FRMPD4: variants seen among roughly 807,000 people sequenced by gnomAD.
The protein encoded by FRMPD4 is FERM and PDZ domain-containing protein 4.
FRMPD4 carries 22 observed loss-of-function variants against 94.1 expected under a neutral mutation model. The ratio of observed to expected loss-of-function variants is 0.23; its 90% CI spans 0.17 to 0.33. The LOEUF (loss-of-function observed/expected upper bound fraction) is 0.33. Ranked by LOEUF, FRMPD4 falls within the 10% of genes least tolerant of loss-of-function variation. The pLI, the probability that FRMPD4 is intolerant of heterozygous loss-of-function variation, is 1.00. For synonymous variants in FRMPD4, 631 were observed against 548.6 expected (o/e 1.15, Z -2.10); for missense variants, 1,111 against 1,339.9 (o/e 0.83, Z 2.67).
intron 1 of FRMPD4, among the ~76,000 whole-genome samples, chrX:12,327,693 T>A (rs1209411938): frequency 9.0e-6 from 1 of 111,414 alleles, no homozygotes; most frequent in Non-Finnish European, 1.9e-5. Context: ...TAAGTCTGGG[T>A]CAGCCAGGGA....
intron 2 of FRMPD4, among the ~76,000 whole-genome samples, chrX:12,533,188 AC>A (rs2058302390): frequency 9.0e-6 from 1 of 111,083 alleles, no homozygotes; most frequent in Non-Finnish European, 1.9e-5. Context: ...GTCTCATGAG[AC>A]CTGATGGTTT....
At chrX:12,231,598 C>T (rs994367958) in intron 1 of FRMPD4, among the ~76,000 whole-genome samples, 56 of 111,112 alleles carry the variant, frequency 5.0e-4, no homozygotes, top group Admixed American at 1.4e-3. Context: ...AGACTCACTT[C>T]GAGGAACTTT....
At chrX:11,841,906 T>C (rs181783589) in intron 1 of FRMPD4, among the ~76,000 whole-genome samples, 2 of 110,682 alleles carry the variant, frequency 1.8e-5, no homozygotes, top group African/African-American at 6.6e-5. Flanking sequence ...CTTTAATCCA[T>C]CTTGAATTCA....
At chrX:12,256,126 A>G (rs2054112110) in intron 1 of FRMPD4, among the ~76,000 whole-genome samples, 1 of 111,828 alleles carries the variant, frequency 8.9e-6, no homozygotes, top group South Asian at 3.8e-4. Flanking sequence ...AGGGTAGAAT[A>G]TAGGCATGCA....
At chrX:12,689,360 T>C (rs1422101332) in intron 7 of FRMPD4, among the ~76,000 whole-genome samples, 1 of 111,966 alleles carries the variant, frequency 8.9e-6, no homozygotes, top group Non-Finnish European at 1.9e-5. Flanking sequence ...ATTATTATGG[T>C]GCCCTCACTC....
At chrX:12,446,233 C>A (rs781120849) in intron 1 of FRMPD4, among the ~76,000 whole-genome samples, 1 of 112,250 alleles carries the variant, frequency 8.9e-6, no homozygotes, top group Admixed American at 9.4e-5. Context: ...ATAAAACAAT[C>A]AATAATGAAC....
At chrX:12,216,920 TCCTCC>T (rs1458282233) in intron 1 of FRMPD4, among the ~76,000 whole-genome samples, 2 of 111,838 alleles carry the variant, frequency 1.8e-5, no homozygotes, top group Non-Finnish European at 3.8e-5. Context: ...TGGCTTTCTT[TCCTCC>T]CTGTGTCTAA....
intron 4 of FRMPD4, among the ~76,000 whole-genome samples, chrX:12,621,940 GAA>G (rs1405818002): frequency 3.2e-5 from 3 of 92,446 alleles, no homozygotes; most frequent in African/African-American, 1.3e-4. Flanking sequence ...AAGAAAGAAA[GAA>G]AGAGAGAGAG....
intron 1 of FRMPD4, among the ~76,000 whole-genome samples, chrX:12,330,012 T>C (rs1297708582): frequency 9.0e-6 from 1 of 111,530 alleles, no homozygotes; most frequent in Non-Finnish European, 1.9e-5. Flanking sequence ...TTATTTTCCT[T>C]ATTTGTAAAA....
chrX:12,341,269 A>G (rs1460266903), intron 1 of FRMPD4, among the ~76,000 whole-genome samples: 1 of 111,635 alleles, frequency 9.0e-6, no homozygotes, highest in Non-Finnish European at 1.9e-5. Context: ...TTTAGGAAAT[A>G]TATCAAAAAA....
chrX:11,893,142 A>G (rs2053884225), intron 3 of FRMPD4, among the ~76,000 whole-genome samples: 1 of 111,237 alleles, frequency 9.0e-6, no homozygotes, highest in Non-Finnish European at 1.9e-5. Flanking sequence ...TTTGGATTTC[A>G]CCAGTTTTTC....
intron 1 of FRMPD4, among the ~76,000 whole-genome samples, chrX:12,347,049 T>G (rs1182795826): frequency 1.8e-5 from 2 of 111,500 alleles, no homozygotes; most frequent in Non-Finnish European, 3.8e-5. Flanking sequence ...AATGTTGTGT[T>G]TAATTATATA....
intron 1 of FRMPD4, among the ~76,000 whole-genome samples, chrX:12,455,088 C>CAAAT (rs1303058663): frequency 1.8e-5 from 2 of 111,035 alleles, no homozygotes; most frequent in African/African-American, 6.5e-5. Flanking sequence ...TCAGTTTTGA[C>CAAAT]AAATATATCA....
chrX:12,109,333 T>A (rs2055332775), intron 3 of FRMPD4, among the ~76,000 whole-genome samples: 1 of 111,879 alleles, frequency 8.9e-6, no homozygotes, highest in African/African-American at 3.3e-5. Flanking sequence ...ACTGGGTACA[T>A]AACAAAATGA....
intron 4 of FRMPD4, among the ~76,000 whole-genome samples, chrX:12,653,535 G>A (rs186045981): frequency 1.4e-4 from 16 of 111,620 alleles, no homozygotes; most frequent in Admixed American, 1.2e-3. Flanking sequence ...GGTATTCAGG[G>A]CTCTGCCCAC....
At chrX:11,901,285 T>C (rs2053936182) in intron 3 of FRMPD4, among the ~76,000 whole-genome samples, 1 of 111,823 alleles carries the variant, frequency 8.9e-6, no homozygotes, top group African/African-American at 3.3e-5. Context: ...CAAAGTCCAT[T>C]ATATCATTCT....
intron 2 of FRMPD4, among the ~76,000 whole-genome samples, chrX:12,500,076 G>A (rs866388712): frequency 2.6e-4 from 29 of 111,204 alleles, no homozygotes; most frequent in African/African-American, 9.2e-4. Context: ...AAATGGCAAG[G>A]GTCCATACTG....
intron 2 of FRMPD4, among the ~76,000 whole-genome samples, chrX:12,526,051 A>G (rs1351785891): frequency 1.8e-5 from 2 of 112,502 alleles, no homozygotes; most frequent in East Asian, 5.5e-4. Context: ...ATTTCCTGAA[A>G]TATTTTGTTA....
intron 2 of FRMPD4, among the ~76,000 whole-genome samples, chrX:12,584,740 A>G (rs1569350465): frequency 8.9e-6 from 1 of 111,945 alleles, no homozygotes; most frequent in Non-Finnish European, 1.9e-5. Flanking sequence ...ATAATTCTGA[A>G]TCAAAGGTGA....
Sources: allele counts gnomAD v4.1 joint callset (sites outside exome capture counted in the v4.1 genomes callset), GRCh38; gene constraint gnomAD v4.1.1; transcripts MANE v1.5; gene names NCBI Gene and HGNC (gene_info 2026-07-23, HGNC 2026-07-21).